MYH15: variants seen among roughly 807,000 people sequenced by gnomAD.
MYH15 encodes myosin heavy chain 15.
Under a neutral mutation model 240.5 loss-of-function variants are expected in MYH15, and 227 were observed. The observed-to-expected ratio is 0.94, with a 90% CI of 0.85 to 1.05. The LOEUF is 1.05. MYH15 is among the 50% of genes least tolerant of loss of function. MYH15 has a pLI of 0.00. For missense variants in MYH15, 2,217 were observed against 2,247.5 expected (o/e 0.99, Z 0.27); for synonymous variants, 785 against 796.7 (o/e 0.99, Z 0.25).
chr3:108,496,151 G>T (rs549480449), intron 6 of MYH15, among the ~76,000 whole-genome samples: 1 of 152,170 alleles, frequency 6.6e-6, no homozygotes, highest in South Asian at 2.1e-4. Flanking sequence ...AAAAGCAAAT[G>T]GTCACCAAAT....
chr3:108,547,699 T>C, the MYH15 span, among the ~76,000 whole-genome samples: 2,154 of 152,280 alleles, frequency 0.014, 53 homozygotes, highest in African/African-American at 0.049. Context: ...GGTGATGTCA[T>C]ATAGACTGCT....
At chr3:108,482,198 T>G (rs1295645205) in intron 11 of MYH15, among the ~76,000 whole-genome samples, 1 of 152,006 alleles carries the variant, frequency 6.6e-6, no homozygotes, top group East Asian at 1.9e-4. Flanking sequence ...AGAACCTAGG[T>G]GGCATTTTTG....
intron 10 of MYH15, 79 bp downstream of exon 10, chr3:108,486,344 A>G: frequency 8.2e-7 from 1 of 1,217,248 alleles, no homozygotes; most frequent in Non-Finnish European, 1.2e-6. Context: ...CTGGGTCCCT[A>G]AGAACAGAAC....
chr3:108,496,240 C>T (rs2083388308), intron 6 of MYH15, among the ~76,000 whole-genome samples: 1 of 152,226 alleles, frequency 6.6e-6, no homozygotes. Context: ...TCCTCTCTTC[C>T]CATCCGATCT....
At chr3:108,414,028 T>G (rs2082614319) in intron 30 of MYH15, among the ~76,000 whole-genome samples, 1 of 152,212 alleles carries the variant, frequency 6.6e-6, no homozygotes, top group African/African-American at 2.4e-5. Flanking sequence ...TCTGTCACTT[T>G]GTATTATACT....
At position 108,470,048 on chromosome 3, in the gene MYH15, A is replaced by G. The variant is rs778803868; in HGVS notation, c.1548T>C (p.Ile516=). 3 of 1,592,296 alleles carry G rather than the reference A, an allele frequency of 1.9e-6. No individual in the cohort carries two copies. Among genetic ancestry groups the G allele is most frequent in the African/African-American group, 1.4e-5 (1 of 73,048 alleles). The part of the protein sequence containing the change: ...GLDLQACIDL[I]EKPMGILSIL... ...AGAGAAAAACATATATTACCTTCTC[A>G]ATGAGATCTATGCAAGCTTGCAAAT... The change falls in exon 14 of 41, where the codon ATT becomes ATC. Residue 516 remains isoleucine (I), a synonymous_variant. Transcript: ENST00000693548.
chr3:108,420,666 C>T lies in MYH15; in HGVS notation c.3829+422G>A, dbSNP rs78938546. ...GTCCAATCATACAGGCTCAGGTAGC[C>T]GGCTGTACAGACCATTGGTTTTACC... On this transcript the variant is annotated intron_variant, in intron 28 of 40. Coordinates refer to ENST00000693548, the MANE Select transcript of MYH15 (RefSeq NM_014981.3). Among the ~76,000 whole-genome samples the T allele has an allele frequency of 2.4e-3, 367 of 152,042 alleles. 1 individual carries two copies. Among genetic ancestry groups the T allele is most frequent in the African/African-American group, 7.2e-3 (300 of 41,488 alleles).
upstream of MYH15, among the ~76,000 whole-genome samples, chr3:108,533,052 C>A (rs1253281515): frequency 2.0e-5 from 3 of 149,638 alleles, no homozygotes; most frequent in African/African-American, 7.4e-5. Flanking sequence ...TGTTCCTAGT[C>A]TCAAATTACG....
chr3:108,448,178 A>G (rs2082943758), intron 21 of MYH15, among the ~76,000 whole-genome samples: 1 of 152,110 alleles, frequency 6.6e-6, no homozygotes, highest in Admixed American at 6.5e-5. Flanking sequence ...ATATTATCAC[A>G]TCACAAAGGA....
In MYH15 at chr3:108,500,251, C is replaced by T. The variant is rs372333847; in HGVS notation, c.363G>A (p.Val121=). The change falls in exon 4 of 41, where the codon GTG becomes GTA. Residue 121 remains valine, a synonymous_variant. Coordinates refer to ENST00000693548, the MANE Select transcript of MYH15 (RefSeq NM_014981.3). ...MIYTYSGLFC[V]TINPYKWLPV... ...GAAGCCATTTGTAAGGGTTTATGGTCACACAGAAGAGACCTGAATATGTCT... is the reference window on the plus strand; with the variant it reads ...GAAGCCATTTGTAAGGGTTTATGGTTACACAGAAGAGACCTGAATATGTCT... 63 of 1,613,584 alleles carry T rather than the reference C, an allele frequency of 3.9e-5. No individual in the cohort carries two copies. The highest frequency in any genetic ancestry group is 5.3e-5 in the Non-Finnish European group (62 of 1,179,758).
At chr3:108,481,121 A>G (rs2107593495) in intron 11 of MYH15, among the ~76,000 whole-genome samples, 1 of 152,366 alleles carries the variant, frequency 6.6e-6, no homozygotes, top group East Asian at 1.9e-4. Context: ...TAGCCATCTA[A>G]AAAGATATTG....
At chr3:108,392,030 C>T in intron 36 of MYH15, 100 bp from the exon 37 acceptor site, 1 of 1,314,356 alleles carries the variant, frequency 7.6e-7, no homozygotes, top group African/African-American at 1.5e-5. Context: ...GCTGCCACGC[C>T]TTGCCTCTAT....
At position 108,444,879 on chromosome 3, in the gene MYH15, T is replaced by C. The variant is rs2082914920; in HGVS notation, c.2416A>G (p.Ile806Val). ...ATGAAAGCTCTTATGTTCCATTGGA[T>C]CAAAATAAGTGCATCCCTAAATCAA... ...ILEERDALILIQWNIRAFMAV... is the reference protein window; with the variant it reads ...ILEERDALILVQWNIRAFMAV... The change falls in exon 22 of 41, where the codon ATC becomes GTC. Residue 806 changes from isoleucine to valine, a missense_variant. Ile to Val is a conservative substitution (Grantham distance 29). Transcript: ENST00000693548. The C allele has an allele frequency of 6.2e-7, 1 of 1,611,864 alleles. No homozygotes were observed. Among genetic ancestry groups the C allele is most frequent in the Non-Finnish European group, 8.5e-7 (1 of 1,179,376 alleles).
rs757841986 is a variant in MYH15 at position 108,456,791 on chromosome 3, G to A, written c.2113C>T (p.Leu705=). 111 of 1,613,190 alleles carry A rather than the reference G, an allele frequency of 6.9e-5. 1 individual carries two copies. In the Middle Eastern group the frequency reaches 9.9e-4, roughly 14 times the overall value. ...CTTTGTTTAAAATCAGCATACTGCAGTCGGTTTGGAAAACCTTCACGGCAT... is the reference window on the plus strand; with the variant it reads ...CTTTGTTTAAAATCAGCATACTGCAATCGGTTTGGAAAACCTTCACGGCAT... The part of the protein sequence containing the change: ...RICREGFPNR[L]QYADFKQRYC... Residue 705 remains leucine (L), a synonymous_variant, in exon 19 of 41, where the codon CTG becomes TTG. Coordinates refer to ENST00000693548, the MANE Select transcript of MYH15 (RefSeq NM_014981.3).
In MYH15 at chr3:108,384,810, G is replaced by A. The variant is rs550928708; in HGVS notation, c.5536-28C>T. The A allele has an allele frequency of 2.2e-5, 35 of 1,591,140 alleles. No individual in the cohort carries two copies. The Admixed American group carries it at 5.5e-4, about 25-fold the overall frequency. On this transcript the variant is annotated intron_variant, in intron 38 of 40. Transcript: ENST00000693548. The stretch of plus-strand genomic sequence containing the variant: ...GCAATACATAGGCATGTATGGGAAG[G>A]TGATTCAGAGGATCCAGCAGTCTAC...
At chr3:108,520,707 G>A (rs1390372643) in intron 1 of MYH15, among the ~76,000 whole-genome samples, 2 of 152,202 alleles carry the variant, frequency 1.3e-5, no homozygotes, top group East Asian at 3.9e-4. Context: ...GTCTCTGGTG[G>A]CATCAATTTT....
At chr3:108,428,442 TC>T in intron 27 of MYH15, 49 bp downstream of exon 27, 1 of 1,535,854 alleles carries the variant, frequency 6.5e-7, no homozygotes, top group Non-Finnish European at 8.7e-7. Flanking sequence ...TTTCTTCCCC[TC>T]CCTACTTCCA....
At chr3:108,482,656 T>C (rs1448650042) in intron 11 of MYH15, among the ~76,000 whole-genome samples, 1 of 152,216 alleles carries the variant, frequency 6.6e-6, no homozygotes, top group Non-Finnish European at 1.5e-5. Flanking sequence ...TTCATTCACA[T>C]CTGTGCTGTG....
chr3:108,532,320 A>G (rs187559256), upstream of MYH15, among the ~76,000 whole-genome samples: 144 of 152,298 alleles, frequency 9.5e-4, no homozygotes, highest in African/African-American at 3.1e-3. Flanking sequence ...TTATCCAATC[A>G]AAAAATCTGA....
Sources: gnomAD v4.1 joint callset for allele counts (sites outside exome capture counted in the v4.1 genomes callset) on GRCh38, gnomAD v4.1.1 for gene constraint, MANE v1.5 for transcripts, NCBI Gene and HGNC (gene_info 2026-07-23, HGNC 2026-07-21) for gene names.